CRYBG3: variants seen among roughly 807,000 people sequenced by gnomAD.
CRYBG3 encodes crystallin beta-gamma domain containing 3.
In CRYBG3, 127 loss-of-function variants were observed where a neutral mutation model predicts 244.2. That is an observed-to-expected ratio of 0.52 (90% CI 0.45 to 0.60). The LOEUF (loss-of-function observed/expected upper bound fraction) is 0.60. Among genes scored for constraint, CRYBG3 ranks in the 20% least tolerant of loss-of-function variants. The pLI is 0.00. For missense variants in CRYBG3, 3,325 were observed against 3,442.5 expected (o/e 0.97, Z 0.85); for synonymous variants, 1,132 against 1,195.8 (o/e 0.95, Z 1.10).
intron 7 of CRYBG3, among the ~76,000 whole-genome samples, chr3:97,885,713 A>G (rs541122452): frequency 6.6e-6 from 1 of 152,312 alleles, no homozygotes; most frequent in East Asian, 1.9e-4. Context: ...GATAGCATGA[A>G]GACCAATATG....
intron 19 of CRYBG3, among the ~76,000 whole-genome samples, chr3:97,940,093 C>T (rs1172673823): frequency 3.9e-5 from 6 of 151,926 alleles, no homozygotes; most frequent in African/African-American, 1.4e-4. Flanking sequence ...ATTGGGATGG[C>T]AATGAGAAGA....
Position 97,936,848 on chromosome 3 carries a change from C to T in CRYBG3, c.8445C>T (p.Ile2815=). 2 of 1,612,934 alleles carry T rather than the reference C, an allele frequency of 1.2e-6. No individual in the cohort carries two copies. Among genetic ancestry groups the T allele is most frequent in the Non-Finnish European group, 1.7e-6 (2 of 1,179,320 alleles). ...GRQILLRPNE[I]PNWTAFSRWK... is the part of the protein sequence containing the mutation. ...AAATCCTACTCAGGCCTAATGAGAT[C>T]CCAAACTGGACAGCATTCAGCAGAT... The change falls in exon 19 of 22, where the codon ATC becomes ATT. Residue 2815 remains isoleucine, a synonymous_variant. Transcript: ENST00000389622.
chr3:97,854,094 A>C (rs1576522610), intron 2 of CRYBG3, among the ~76,000 whole-genome samples: 1 of 151,572 alleles, frequency 6.6e-6, no homozygotes, highest in African/African-American at 2.4e-5. Context: ...CCTTTCCCCC[A>C]CTTTATTTTT....
chr3:97,876,646 C>T lies in CRYBG3; in HGVS notation c.5452C>T (p.Pro1818Ser), dbSNP rs1041917595. ...VKEAHETAPA[P>S]LEMEKACKRD... is the part of the protein sequence containing the mutation. ...GGAAGCACACGAGACAGCACCTGCC[C>T]CCTTAGAAATGGAAAAAGCATGCAA... The change falls in exon 4 of 22, where the codon CCC becomes TCC. Residue 1818 changes from proline (P) to serine (S), a missense_variant. This residue lies in a region of CRYBG3 where 635 missense variants were observed against 771.7 expected (regional missense o/e 0.82). Transcript: ENST00000389622. 3.2e-6 allele frequency: 4 copies of T among 1,235,466 alleles called. No individual in the cohort carries two copies. Among genetic ancestry groups the T allele is most frequent in the South Asian group, 4.1e-5 (1 of 24,534 alleles). The allele number at this position is 1,235,466 out of a possible 1,614,324, so 76.5% of individuals were successfully genotyped here.
At chr3:97,895,893 T>TC in intron 11 of CRYBG3, 66 bp from the exon 12 acceptor site, 1 of 1,458,724 alleles carries the variant, frequency 6.9e-7, no homozygotes, top group Non-Finnish European at 9.4e-7. Flanking sequence ...ATCTTGATTG[T>TC]CTCTGTTTTG....
At chr3:97,887,137 G>A (rs551719972) in intron 8 of CRYBG3, among the ~76,000 whole-genome samples, 1 of 152,168 alleles carries the variant, frequency 6.6e-6, no homozygotes, top group African/African-American at 2.4e-5. Context: ...TGGCTTTTTT[G>A]TTTATGACTC....
chr3:97,877,186 T>G lies in CRYBG3; in HGVS notation c.5992T>G (p.Ser1998Ala). Residue 1998 changes from serine to alanine, a missense_variant, in exon 4 of 22, where the codon TCC becomes GCC. This residue lies in a region of CRYBG3 where 450 missense variants were observed against 424.1 expected (regional missense o/e 1.06). Transcript: ENST00000389622. ...TTCTCAAGATGAACAAGAAAATTCTTCCTTTACTATATTATACGAAGAGCC... is the reference window on the plus strand; with the variant it reads ...TTCTCAAGATGAACAAGAAAATTCTGCCTTTACTATATTATACGAAGAGCC... ...FVSQDEQENSSFTILYEEPLQ... is the reference protein window; with the variant it reads ...FVSQDEQENSAFTILYEEPLQ... 6.2e-7 allele frequency: 1 copy of G among 1,613,984 alleles called. No homozygotes were observed. The highest frequency in any genetic ancestry group is 2.2e-5 in the East Asian group (1 of 44,876).
rs756340085 is a variant in CRYBG3, at chr3:97,899,036, T to G, written c.7844+11T>G. 1 of 1,608,352 alleles carries G rather than the reference T, an allele frequency of 6.2e-7. No homozygotes were observed. Among genetic ancestry groups the G allele is most frequent in the Non-Finnish European group, 8.5e-7 (1 of 1,177,882 alleles). On this transcript the variant is annotated intron_variant, in intron 13 of 21. Transcript: ENST00000389622. ...TGTTAAAAGTGGAGTGTAAGTTGCC[T>G]CCTCTAAGAACCTTGAGAGTCTTTG...
Position 97,875,853 on chromosome 3 carries a change from T to C in CRYBG3, c.4659T>C (p.Asp1553=), listed in dbSNP as rs1433178543. The part of the protein sequence containing the change: ...MLETGKTNKK[D]AELNILKYEA... Reference sequence around the variant, plus strand: ...AAACAGGGAAAACAAACAAAAAGGATGCTGAATTGAATATTCTGAAATATG... The same window carrying C: ...AAACAGGGAAAACAAACAAAAAGGACGCTGAATTGAATATTCTGAAATATG... The change falls in exon 4 of 22, where the codon GAT becomes GAC. Residue 1553 remains aspartate (D), a synonymous_variant. Coordinates refer to ENST00000389622, the MANE Select transcript of CRYBG3 (RefSeq NM_153605.4). 7.3e-6 allele frequency: 9 copies of C among 1,231,820 alleles called. No homozygotes were observed. The highest frequency in any genetic ancestry group is 9.1e-6 in the Non-Finnish European group (9 of 987,890). 76.3% of individuals were successfully genotyped at this position (1,231,820 alleles called of 1,614,324 possible).
In CRYBG3 at chr3:97,873,233, C is replaced by T. The variant is rs2039326630; in HGVS notation, c.2039C>T (p.Pro680Leu). The change falls in exon 4 of 22, where the codon CCT becomes CTT. Residue 680 changes from proline (P) to leucine (L), a missense_variant. Transcript: ENST00000389622. ...DIPDLMNEGS[P>L]VPIETGNVNI... Reference sequence around the variant, plus strand: ...CCTGATTTAATGAATGAGGGTTCTCCTGTGCCCATTGAAACTGGGAATGTC... The same window carrying T: ...CCTGATTTAATGAATGAGGGTTCTCTTGTGCCCATTGAAACTGGGAATGTC... 1.3e-6 allele frequency: 2 copies of T among 1,535,510 alleles called. No homozygotes were observed. Among genetic ancestry groups the T allele is most frequent in the African/African-American group, 1.4e-5 (1 of 73,008 alleles).
At chr3:97,851,131 CAAA>C (rs11393717) in intron 2 of CRYBG3, among the ~76,000 whole-genome samples, 4 of 94,188 alleles carry the variant, frequency 4.2e-5, no homozygotes, top group Non-Finnish European at 4.8e-5. Flanking sequence ...AGACTGTCTC[CAAA>C]AAAAAAAAAA....
chr3:97,927,973 A>G (rs2040057867), intron 17 of CRYBG3, among the ~76,000 whole-genome samples: 1 of 152,104 alleles, frequency 6.6e-6, no homozygotes, highest in African/African-American at 2.4e-5. Context: ...GCATTAGTTC[A>G]TCCACTGTGG....
chr3:97,875,473 C>T lies in CRYBG3; in HGVS notation c.4279C>T (p.Leu1427=), dbSNP rs2039360065. The T allele has an allele frequency of 7.6e-7, 1 of 1,318,004 alleles. No individual in the cohort carries two copies. 81.6% of individuals were successfully genotyped at this position (1,318,004 alleles called of 1,614,324 possible). A position where few individuals can be genotyped will look rare whatever the true frequency, so the allele number is the denominator to read the frequency against. ...INLQESDTVL[L]AEDMSHKRLD... The stretch of plus-strand genomic sequence containing the variant: ...TTTGCAGGAATCAGATACGGTTTTA[C>T]TAGCTGAAGACATGTCACATAAACG... The change falls in exon 4 of 22, where the codon CTA becomes TTA. Residue 1427 remains leucine, a synonymous_variant. Coordinates refer to ENST00000389622, the MANE Select transcript of CRYBG3 (RefSeq NM_153605.4).
At chr3:97,909,686 A>G (rs1365115758) in intron 15 of CRYBG3, among the ~76,000 whole-genome samples, 11 of 151,662 alleles carry the variant, frequency 7.3e-5, no homozygotes, top group African/African-American at 2.4e-4. Flanking sequence ...CTTTGCCTTC[A>G]GTTTGAATGT....
At chr3:97,889,807 G>T (rs2039554040) in intron 10 of CRYBG3, among the ~76,000 whole-genome samples, 1 of 152,144 alleles carries the variant, frequency 6.6e-6, no homozygotes, top group Admixed American at 6.6e-5. Context: ...TTATCAGGTA[G>T]ATGGCAGTTT....
At chr3:97,859,862 T>TGCTAAAG in intron 2 of CRYBG3, among the ~76,000 whole-genome samples, 1 of 152,306 alleles carries the variant, frequency 6.6e-6, no homozygotes, top group Admixed American at 6.5e-5. Flanking sequence ...GCTAATACTT[T>TGCTAAAG]GTCTTTATTA....
chr3:97,913,018 T>C (rs1037370982), intron 16 of CRYBG3, among the ~76,000 whole-genome samples: 17 of 152,122 alleles, frequency 1.1e-4, no homozygotes, highest in African/African-American at 2.2e-4. Flanking sequence ...GGTTTGTCAG[T>C]TTTCCTCCTT....
At chr3:97,851,280 G>C (rs753629230) in intron 2 of CRYBG3, among the ~76,000 whole-genome samples, 2 of 152,088 alleles carry the variant, frequency 1.3e-5, no homozygotes, top group Non-Finnish European at 2.9e-5. Context: ...CAAGTAATAC[G>C]CGGCAGCCAG....
Position 97,876,367 on chromosome 3 carries a change from G to T in CRYBG3, c.5173G>T (p.Asp1725Tyr). ...TACTTACCAAAAGGATGCTGAAGGG[G>T]ATATTGGAAAGGCTGAAGTGATGCC... ...ENTYQKDAEG[D>Y]IGKAEVMPVR... The change falls in exon 4 of 22, where the codon GAT (aspartate) becomes TAT (tyrosine). Residue 1725 changes from aspartate (D) to tyrosine (Y), a missense_variant. Asp to Tyr is a radical substitution (Grantham distance 160, BLOSUM62 -3). Coordinates refer to ENST00000389622, the MANE Select transcript of CRYBG3 (RefSeq NM_153605.4). The T allele has an allele frequency of 8.1e-7, 1 of 1,232,102 alleles. No homozygotes were observed. Among genetic ancestry groups the T allele is most frequent in the Non-Finnish European group, 1.0e-6 (1 of 987,960 alleles). 76.3% of individuals were successfully genotyped at this position (1,232,102 alleles called of 1,614,324 possible).
Sources: allele counts gnomAD v4.1 joint callset (sites outside exome capture counted in the v4.1 genomes callset), GRCh38; gene constraint gnomAD v4.1.1; regional missense constraint gnomAD v4.1.1; transcripts MANE v1.5; gene names NCBI Gene and HGNC (gene_info 2026-07-23, HGNC 2026-07-21).